LATS2: variants seen among roughly 807,000 people sequenced by gnomAD.
LATS2 encodes the protein serine/threonine-protein kinase LATS2.
A neutral mutation model predicts 76.0 loss-of-function variants in LATS2; 24 were observed. That is an observed-to-expected ratio of 0.32 (90% CI 0.23 to 0.44). The LOEUF (loss-of-function observed/expected upper bound fraction) is 0.44. Ranked by LOEUF, LATS2 falls within the 20% of genes least tolerant of loss-of-function variation. The probability of loss-of-function intolerance (pLI) is 1.00; values close to 1 mark genes in which losing one functional copy is unlikely to be tolerated. For synonymous variants in LATS2, 692 were observed against 635.4 expected (o/e 1.09, Z -1.34); for missense variants, 1,286 against 1,481.2 (o/e 0.87, Z 2.16).
At chr13:21,036,900 T>C (rs1872701431) in intron 2 of LATS2, among the ~76,000 whole-genome samples, 1 of 152,218 alleles carries the variant, frequency 6.6e-6, no homozygotes, top group African/African-American at 2.4e-5. Context: ...ATAAATTCAA[T>C]TGAATGATTT....
At chr13:21,024,773 A>G (rs1281999340) in intron 2 of LATS2, among the ~76,000 whole-genome samples, 2 of 151,876 alleles carry the variant, frequency 1.3e-5, no homozygotes, top group Admixed American at 6.6e-5. Flanking sequence ...ACAAGTAAGC[A>G]ATGTTAGAAA....
intron 2 of LATS2, among the ~76,000 whole-genome samples, chr13:21,009,439 C>G (rs1450598049): frequency 1.3e-5 from 2 of 152,166 alleles, no homozygotes; most frequent in African/African-American, 4.8e-5. Context: ...AAACAATTCC[C>G]ATACTCTTTG....
rs1870235855 is a variant in LATS2, at chr13:20,987,968, G to A, written c.1812C>T (p.Phe604=). 1 of 1,614,090 alleles carries A rather than the reference G, an allele frequency of 6.2e-7. No homozygotes were observed. The highest frequency in any genetic ancestry group is 1.3e-5 in the African/African-American group (1 of 74,944). ...IKSYSPYAFK[F]FMEQHVENVI... The stretch of plus-strand genomic sequence containing the variant: ...CATTCTCCACGTGCTGCTCCATGAA[G>A]AACTTAAAGGCGTATGGCGAGTAGC... Residue 604 remains phenylalanine, a synonymous_variant, in exon 4 of 8, where the codon TTC becomes TTT. Transcript: ENST00000382592.
chr13:20,982,976 G>A (rs1276835611), intron 5 of LATS2, among the ~76,000 whole-genome samples: 126 of 117,096 alleles, frequency 1.1e-3, no homozygotes, highest in African/African-American at 3.6e-3. Flanking sequence ...TGGGCAACAA[G>A]AGCGAAACTC....
intron 2 of LATS2, among the ~76,000 whole-genome samples, chr13:21,004,037 C>T (rs1436880316): frequency 6.6e-6 from 1 of 152,142 alleles, no homozygotes; most frequent in Non-Finnish European, 1.5e-5. Flanking sequence ...GTCAAATCTC[C>T]CTGTGAGAAA....
intron 2 of LATS2, among the ~76,000 whole-genome samples, chr13:21,032,893 G>A (rs762909566): frequency 2.0e-5 from 3 of 152,156 alleles, no homozygotes; most frequent in Non-Finnish European, 2.9e-5. Context: ...ACCCAGTGTG[G>A]GAGAAAACCT....
intron 2 of LATS2, among the ~76,000 whole-genome samples, chr13:21,041,937 T>G (rs554443783): frequency 1.3e-5 from 2 of 152,250 alleles, no homozygotes; most frequent in Admixed American, 1.3e-4. Flanking sequence ...TATAACCCAC[T>G]GCAACCAGAG....
Position 20,988,258 on chromosome 13 carries a change from C to G in LATS2, c.1522G>C (p.Gly508Arg). Residue 508 changes from glycine (G) to arginine (R), a missense_variant, in exon 4 of 8, where the codon GGC becomes CGC. Coordinates refer to ENST00000382592, the MANE Select transcript of LATS2 (RefSeq NM_014572.3). ...GAFPLDVEYG[G>R]PDRRCPPPPY... is the part of the protein sequence containing the mutation. ...GGAGGCGGGCACCTCCGGTCTGGGC[C>G]TCCGTACTCCACGTCCAGCGGGAAG... 1 of 1,599,510 alleles carries G rather than the reference C, an allele frequency of 6.3e-7. No homozygotes were observed. Among genetic ancestry groups the G allele is most frequent in the Non-Finnish European group, 8.5e-7 (1 of 1,178,620 alleles).
At chr13:21,033,569 G>A (rs978754931) in intron 2 of LATS2, among the ~76,000 whole-genome samples, 9 of 151,476 alleles carry the variant, frequency 5.9e-5, no homozygotes, top group Admixed American at 1.3e-4. Flanking sequence ...TAAGCCACTT[G>A]GCATGGAGAA....
At chr13:21,006,813 T>C (rs1016641884) in intron 2 of LATS2, among the ~76,000 whole-genome samples, 1 of 152,154 alleles carries the variant, frequency 6.6e-6, no homozygotes, top group Non-Finnish European at 1.5e-5. Flanking sequence ...TAGCTGTGCA[T>C]GTTTGGGGGC....
At chr13:21,005,984 A>G (rs1462092136) in intron 2 of LATS2, among the ~76,000 whole-genome samples, 2 of 151,778 alleles carry the variant, frequency 1.3e-5, no homozygotes, top group Non-Finnish European at 2.9e-5. Flanking sequence ...GTGGTGGCGC[A>G]TGTCTGTAAT....
chr13:20,981,678 A>AAG, intron 5 of LATS2, 30 bp from the exon 6 acceptor site: 1 of 1,554,840 alleles, frequency 6.4e-7, no homozygotes, highest in Non-Finnish European at 8.7e-7. Flanking sequence ...ATAGTGAAAG[A>AAG]AAAGAACAAA....
intron 7 of LATS2, among the ~76,000 whole-genome samples, chr13:20,977,553 A>C (rs1263241925): frequency 6.6e-6 from 1 of 152,054 alleles, no homozygotes; most frequent in Non-Finnish European, 1.5e-5. Context: ...AATATTGTGA[A>C]TGTACTTAAT....
In LATS2 at chr13:20,988,360, C is replaced by CGGGGGT. The variant is rs981548933; in HGVS notation, c.1419_1420insACCCCC (p.Pro473_Ala474insThrPro). The CGGGGGT allele has an allele frequency of 1.6e-4, 216 of 1,330,430 alleles. No homozygotes were observed. The highest frequency in any genetic ancestry group is 2.0e-4 in the Non-Finnish European group (204 of 1,038,254). The allele number at this position is 1,330,430 out of a possible 1,614,324, so 82.4% of individuals were successfully genotyped here. A position where few individuals can be genotyped will look rare whatever the true frequency, so the allele number is the denominator to read the frequency against. ...TCCGCAGCCGGGGCGGGGGCGGGGG[C>CGGGGGT]GGGGGCCGGGGCAGGCGCGGGCACC... On this transcript the variant is annotated inframe_insertion, in exon 4 of 8. Transcript: ENST00000382592.
At chr13:20,994,588 C>T (rs879624527) in intron 2 of LATS2, among the ~76,000 whole-genome samples, 1 of 152,164 alleles carries the variant, frequency 6.6e-6, no homozygotes, top group Non-Finnish European at 1.5e-5. Flanking sequence ...ACTCACCTTC[C>T]TTTCTTAAGC....
intron 2 of LATS2, among the ~76,000 whole-genome samples, chr13:20,993,462 G>A (rs1870598626): frequency 6.6e-6 from 1 of 152,154 alleles, no homozygotes; most frequent in African/African-American, 2.4e-5. Context: ...AGCAATGCAG[G>A]CGTGGGCATG....
At chr13:21,052,988 G>A (rs9509509) in intron 1 of LATS2, among the ~76,000 whole-genome samples, 104,377 of 151,834 alleles carry the variant, frequency 0.69, 37,383 homozygotes, top group East Asian at 0.86. Context: ...TGTAATCCCA[G>A]CACTTTGGGA....
intron 2 of LATS2, among the ~76,000 whole-genome samples, chr13:21,021,474 C>CAAAAAAAAAAAAAA (rs58976562): frequency 4.1e-5 from 2 of 48,372 alleles, no homozygotes; most frequent in African/African-American, 1.4e-4. Flanking sequence ...GACTCTGTCT[C>CAAAAAAAAAAAAAA]AAAAAAAAAA....
intron 2 of LATS2, among the ~76,000 whole-genome samples, chr13:21,017,126 G>A (rs2138352351): frequency 6.6e-6 from 1 of 152,324 alleles, no homozygotes; most frequent in African/African-American, 2.4e-5. Context: ...GAGGTGACCA[G>A]CCATGAACAA....
Sources: gnomAD v4.1 joint callset for allele counts (sites outside exome capture counted in the v4.1 genomes callset) on GRCh38, gnomAD v4.1.1 for gene constraint, MANE v1.5 for transcripts, NCBI Gene and HGNC (gene_info 2026-07-23, HGNC 2026-07-21) for gene names.